The following LENG8 variants were observed in gnomAD, a reference collection of about 807,000 sequenced individuals.
The protein encoded by LENG8 is leukocyte receptor cluster member 8, also known as leukocyte receptor cluster (LRC) member 8.
A neutral mutation model predicts 102.1 loss-of-function variants in LENG8; 28 were observed. The ratio of observed to expected loss-of-function variants is 0.27; its 90% CI spans 0.20 to 0.38. The LOEUF (loss-of-function observed/expected upper bound fraction) is 0.38. LENG8 is among the 10% of genes least tolerant of loss of function. The pLI, the probability that LENG8 is intolerant of heterozygous loss-of-function variation, is 1.00. For synonymous variants in LENG8, 531 were observed against 456.7 expected, an observed-to-expected ratio of 1.16 and a Z score of -2.07; for missense variants, 1,022 against 1,113.9, an observed-to-expected ratio of 0.92 and a Z score of 1.17.
Position 54,461,795 on chromosome 19 carries a change from C to T in LENG8, c.*867C>T, listed in dbSNP as rs745552100. The T allele has an allele frequency of 1.6e-6, 1 of 629,662 alleles. No homozygotes were observed. The highest frequency in any genetic ancestry group is 1.5e-5 in the South Asian group (1 of 65,986). The allele number at this position is 629,662 out of a possible 1,614,324, so 39.0% of individuals were successfully genotyped here. On this transcript the variant is annotated 3_prime_UTR_variant, in exon 16 of 16. Transcript: ENST00000326764. ...TATTTTTCTTCCTCCTCTCCCTTTTCTTTTTGGCCCTCCCTCCCTCCCTCT... is the reference window on the plus strand; with the variant it reads ...TATTTTTCTTCCTCCTCTCCCTTTTTTTTTTGGCCCTCCCTCCCTCCCTCT...
chr19:54,457,045 G>C (rs974083656), intron 11 of LENG8, 124 bp downstream of exon 11: 4 of 1,110,706 alleles, frequency 3.6e-6, no homozygotes, highest in Non-Finnish European at 5.0e-6. Context: ...AGCTCGGCCA[G>C]AGACGCCTCG....
rs2084572040 is a variant in LENG8 at position 54,461,717 on chromosome 19, CCAGCT to C, written c.*792_*796del. 1 of 496,610 alleles carries C rather than the reference CCAGCT, an allele frequency of 2.0e-6. No homozygotes were observed. Among genetic ancestry groups the C allele is most frequent in the Middle Eastern group, 3.1e-4 (1 of 3,236 alleles). 30.8% of individuals were successfully genotyped at this position (496,610 alleles called of 1,614,324 possible). On this transcript the variant is annotated 3_prime_UTR_variant, in exon 16 of 16. Transcript: ENST00000326764. ...CCTCCCTCCCTGCCTTCATGGATCA[CCAGCT>C]CACGTCATGTTGCCTTCTCTTTTCT...
chr19:54,453,275 A>G (rs1290121300), intron 4 of LENG8, among the ~76,000 whole-genome samples: 8 of 152,210 alleles, frequency 5.3e-5, no homozygotes, highest in Non-Finnish European at 1.0e-4. Flanking sequence ...TCATTACAGC[A>G]TGGGTTTTCC....
In LENG8 at chr19:54,454,546, T is replaced by C. The variant is rs2084121136; in HGVS notation, c.543T>C (p.Ser181=). Residue 181 remains serine (S), a synonymous_variant, in exon 6 of 16, where the codon AGT becomes AGC. Transcript: ENST00000326764. ...CACATGGGGCTCACACGCTGAACAG[T>C]GGCCCTCAGCCTGGGACAGCTCCAG... ...NPPHGAHTLN[S]GPQPGTAPAT... 6.2e-7 allele frequency: 1 copy of C among 1,613,266 alleles called. No homozygotes were observed.
In LENG8 at chr19:54,456,093, G is replaced by A. The variant is rs376962651; in HGVS notation, c.1152G>A (p.Thr384=). 14 of 1,608,692 alleles carry A rather than the reference G, an allele frequency of 8.7e-6. No homozygotes were observed. The highest frequency in any genetic ancestry group is 5.1e-5 in the Admixed American group (3 of 59,354). Residue 384 remains threonine (T), a synonymous_variant, in exon 9 of 16, where the codon ACG becomes ACA. Transcript: ENST00000326764. ...RGGGAPSQRG[T]PGAGGAGRAR... ...GGGGTGCCCCGTCCCAGCGAGGGAC[G>A]CCCGGGGCTGGGGGTGCCGGTCGAG...
At chr19:54,459,886 T>G (rs538210936) in intron 15 of LENG8, 1 of 1,168,650 alleles carries the variant, frequency 8.6e-7, no homozygotes, top group East Asian at 6.2e-5. Context: ...ATGGGCCCCA[T>G]GAATGGTGGC....
rs35061854 is a variant in LENG8 at position 54,455,378 on chromosome 19, G to C, written c.836G>C (p.Arg279Pro). The change falls in exon 8 of 16, where the codon CGG (arginine) becomes CCG (proline). Residue 279 changes from arginine to proline, a missense_variant. Physicochemically the swap from Arg to Pro is moderately radical, Grantham distance 103. Coordinates refer to ENST00000326764, the MANE Select transcript of LENG8 (RefSeq NM_052925.4). ...TCCTCCCGCAGCGGGTCCTCTGCCC[G>C]GGGGAACCTGTCTGGGAAGCCGGAT... ...KVQNHSGSSA[R>P]GNLSGKPDDW... The C allele has an allele frequency of 0.024, 38,896 of 1,614,022 alleles. 547 individuals are homozygous for C. Among genetic ancestry groups the C allele is most frequent in the East Asian group, 0.032 (1,453 of 44,876 alleles).
intron 15 of LENG8, chr19:54,459,560 C>T (rs2084427250): frequency 1.0e-6 from 1 of 989,424 alleles, no homozygotes; most frequent in Admixed American, 5.8e-5. Flanking sequence ...GCATGGGGGC[C>T]TTGAGAGCCT....
intron 2 of LENG8, chr19:54,451,885 A>G (rs1199737747): frequency 3.9e-6 from 2 of 519,244 alleles, no homozygotes; most frequent in South Asian, 3.2e-5. Flanking sequence ...CTCTGGGATA[A>G]GTACCTTAAG....
At position 54,460,989 on chromosome 19, in the gene LENG8, C is replaced by A; in HGVS notation, c.*61C>A. 1.3e-6 allele frequency: 2 copies of A among 1,534,230 alleles called. No individual in the cohort carries two copies. Among genetic ancestry groups the A allele is most frequent in the Non-Finnish European group, 1.7e-6 (2 of 1,146,080 alleles). On this transcript the variant is annotated 3_prime_UTR_variant, in exon 16 of 16. Transcript: ENST00000326764. Reference sequence around the variant, plus strand: ...GCCCCCAGCGCTGCCTTTGCGGATTCTGTTTTTGAGCCGTGGACTTGGGTT... The same window carrying A: ...GCCCCCAGCGCTGCCTTTGCGGATTATGTTTTTGAGCCGTGGACTTGGGTT...
At chr19:54,457,894 C>T in intron 12 of LENG8, 40 bp from the exon 13 acceptor site, 1 of 1,613,974 alleles carries the variant, frequency 6.2e-7, no homozygotes, top group Non-Finnish European at 8.5e-7. Flanking sequence ...AGTCCTGCCT[C>T]CCGCTCCTTG....
chr19:54,460,719 G>GGGCCAA, intron 15 of LENG8, 47 bp from the exon 16 acceptor site: 4 of 778,894 alleles, frequency 5.1e-6, no homozygotes, highest in East Asian at 5.4e-5. Flanking sequence ...GCCCTCCCCT[G>GGGCCAA]CCCTCCCGCC....
rs538534878 is a variant in LENG8 at position 54,456,314 on chromosome 19, T to G, written c.1305-11T>G. The G allele has an allele frequency of 1.3e-4, 208 of 1,613,920 alleles. 2 individuals carry two copies. The highest frequency in any genetic ancestry group is 9.1e-4 in the East Asian group (41 of 44,882). ...GCGTTTCAGGCCTGACCCTCCTGCT[T>G]CTTCCTGCAGTGACTCCCACTCAGA... On this transcript the variant is annotated splice_polypyrimidine_tract_variant and intron_variant, in intron 9 of 15. Coordinates refer to ENST00000326764, the MANE Select transcript of LENG8 (RefSeq NM_052925.4).
rs1180893345 is a variant in LENG8, at chr19:54,460,800, G to A, written c.2275G>A (p.Ala759Thr). The A allele has an allele frequency of 1.4e-5, 22 of 1,581,576 alleles. No homozygotes were observed. Among genetic ancestry groups the A allele is most frequent in the Non-Finnish European group, 1.7e-5 (20 of 1,163,614 alleles). ...TGCGCTGCCAGTCTCCTACCTGCAG[G>A]CCGAGCTGGCCTTCGAGGGCGAGGC... ...RPALPVSYLQAELAFEGEAAC... is the reference protein window; with the variant it reads ...RPALPVSYLQTELAFEGEAAC... Residue 759 changes from alanine to threonine, a missense_variant, in exon 16 of 16, where the codon GCC (alanine) becomes ACC (threonine). Transcript: ENST00000326764.
chr19:54,460,965 C>A lies in LENG8; in HGVS notation c.*37C>A, dbSNP rs755696100. On this transcript the variant is annotated 3_prime_UTR_variant, in exon 16 of 16. Transcript: ENST00000326764. ...GGAGGGGCGGGGGCAGGGGCTGCAG[C>A]CCCCAGCGCTGCCTTTGCGGATTCT... 6.5e-7 allele frequency: 1 copy of A among 1,537,620 alleles called. No individual in the cohort carries two copies. Among genetic ancestry groups the A allele is most frequent in the South Asian group, 1.2e-5 (1 of 84,004 alleles).
chr19:54,456,490 C>CA (rs2084253006), intron 10 of LENG8, 25 bp downstream of exon 10: 2 of 1,587,776 alleles, frequency 1.3e-6, no homozygotes, highest in African/African-American at 2.7e-5. Flanking sequence ...GGGCTCGACA[C>CA]ACGGGCCAGG....
intron 4 of LENG8, 42 bp from the exon 5 acceptor site, chr19:54,453,504 G>A (rs549337938): frequency 7.3e-7 from 1 of 1,376,000 alleles, no homozygotes; most frequent in African/African-American, 1.4e-5. Flanking sequence ...AAGCGGAAAG[G>A]GTAGGCCTCC....
intron 15 of LENG8, chr19:54,460,365 C>T (rs1256145157): frequency 1.7e-6 from 2 of 1,209,046 alleles, no homozygotes; most frequent in African/African-American, 1.6e-5. Flanking sequence ...TTCCCAGACA[C>T]TGTAACGCAG....
rs35336528 is a variant in LENG8 at position 54,456,859 on chromosome 19, A to G, written c.1669A>G (p.Ile557Val). The G allele has an allele frequency of 0.029, 47,462 of 1,610,942 alleles. 1,011 individuals are homozygous for G. The highest frequency in any genetic ancestry group is 0.088 in the South Asian group (7,993 of 90,974). ...ELQIVGTCPD[I>V]TKHYLRLTCA... is the part of the protein sequence containing the mutation. ...GCAGATCGTGGGCACCTGCCCTGACATCACCAAGCACTACCTGCGCCTCAC... is the reference window on the plus strand; with the variant it reads ...GCAGATCGTGGGCACCTGCCCTGACGTCACCAAGCACTACCTGCGCCTCAC... The change falls in exon 11 of 16, where the codon ATC becomes GTC. Residue 557 changes from isoleucine (I) to valine (V), a missense_variant. Physicochemically the swap from Ile to Val is conservative, Grantham distance 29 (BLOSUM62 3). This residue lies in a region of LENG8 where 158 missense variants were observed against 229.0 expected (regional missense o/e 0.69). Transcript: ENST00000326764.
Sources: gnomAD v4.1 joint callset for allele counts (sites outside exome capture counted in the v4.1 genomes callset) on GRCh38, gnomAD v4.1.1 for gene constraint, gnomAD v4.1.1 regional missense constraint, MANE v1.5 for transcripts, NCBI Gene and HGNC (gene_info 2026-07-23, HGNC 2026-07-21) for gene names.